Variants in SCHIP1 observed in about 807,000 individuals in gnomAD.
The protein encoded by SCHIP1 is schwannomin-interacting protein 1.
Under a neutral mutation model 29.7 loss-of-function variants are expected in SCHIP1, and 8 were observed. The ratio of observed to expected loss-of-function variants is 0.27; its 90% CI spans 0.16 to 0.49. The LOEUF (loss-of-function observed/expected upper bound fraction) is 0.49. SCHIP1 is among the 20% of genes least tolerant of loss of function. The pLI is 0.99. For missense variants in SCHIP1, 193 were observed against 294.6 expected, an observed-to-expected ratio of 0.66 and a Z score of 2.52; for synonymous variants, 76 against 94.9, an observed-to-expected ratio of 0.80 and a Z score of 1.16.
chr3:159,668,290 C>T, the SCHIP1 span, among the ~76,000 whole-genome samples: 21,834 of 150,194 alleles, frequency 0.15, 4,178 homozygotes, highest in African/African-American at 0.45. Context: ...GGCAGGAGAA[C>T]GGCGTGAACC....
chr3:159,372,314 CA>C, the SCHIP1 span, among the ~76,000 whole-genome samples: 1 of 151,974 alleles, frequency 6.6e-6, no homozygotes, highest in Admixed American at 6.6e-5. Flanking sequence ...TAAAGACCTT[CA>C]ATTTCAAATT....
At chr3:159,860,430 C>T (rs954313653) in intron 1 of SCHIP1, among the ~76,000 whole-genome samples, 6 of 152,132 alleles carry the variant, frequency 3.9e-5, no homozygotes, top group Non-Finnish European at 7.4e-5. Flanking sequence ...TGCATCTTAG[C>T]AAGATCTTGA....
the SCHIP1 span, among the ~76,000 whole-genome samples, chr3:159,396,148 C>T: frequency 0.023 from 3,283 of 140,772 alleles, 58 homozygotes; most frequent in East Asian, 0.094. Context: ...CCAACCCCTG[C>T]CTTTTTTTGT....
the SCHIP1 span, among the ~76,000 whole-genome samples, chr3:159,773,685 T>G: frequency 6.6e-6 from 1 of 152,254 alleles, no homozygotes; most frequent in African/African-American, 2.4e-5. Flanking sequence ...TTTTTAAACC[T>G]ATGTTGTCAG....
At chr3:159,778,289 G>A in the SCHIP1 span, among the ~76,000 whole-genome samples, 9,572 of 152,198 alleles carry the variant, frequency 0.063, 965 homozygotes, top group African/African-American at 0.21. Context: ...CACCGCGCCC[G>A]GCTAGGAAAC....
the SCHIP1 span, among the ~76,000 whole-genome samples, chr3:159,526,535 C>T: frequency 6.6e-6 from 1 of 152,074 alleles, no homozygotes; most frequent in Non-Finnish European, 1.5e-5. Context: ...ATCATTTGTT[C>T]CTAGGTCTTT....
chr3:159,547,652 C>T, the SCHIP1 span, among the ~76,000 whole-genome samples: 1 of 152,196 alleles, frequency 6.6e-6, no homozygotes, highest in Non-Finnish European at 1.5e-5. Context: ...GTTTTCCCAG[C>T]ACCATTTATT....
At chr3:159,591,219 A>AT in the SCHIP1 span, among the ~76,000 whole-genome samples, 1 of 152,192 alleles carries the variant, frequency 6.6e-6, no homozygotes, top group Non-Finnish European at 1.5e-5. Context: ...ACAAACAGAC[A>AT]ATATGACTTC....
At chr3:159,771,358 T>C in the SCHIP1 span, among the ~76,000 whole-genome samples, 1 of 152,244 alleles carries the variant, frequency 6.6e-6, no homozygotes, top group Non-Finnish European at 1.5e-5. Context: ...ACAGTAAAGT[T>C]TATAAGTTTA....
At chr3:159,708,383 A>C in the SCHIP1 span, among the ~76,000 whole-genome samples, 3 of 152,228 alleles carry the variant, frequency 2.0e-5, no homozygotes, top group Admixed American at 2.0e-4. Flanking sequence ...GGAGAAGCCT[A>C]AATTGCTTAG....
At chr3:159,633,946 A>C in the SCHIP1 span, among the ~76,000 whole-genome samples, 1 of 152,224 alleles carries the variant, frequency 6.6e-6, no homozygotes, top group African/African-American at 2.4e-5. Flanking sequence ...AAAAAAAGCA[A>C]TAATTAACTC....
At chr3:159,346,851 C>G in the SCHIP1 span, among the ~76,000 whole-genome samples, 54 of 152,072 alleles carry the variant, frequency 3.6e-4, no homozygotes, top group Non-Finnish European at 7.4e-5. Context: ...CTAGTGTTTC[C>G]TCATTAATAA....
chr3:159,693,828 G>A, the SCHIP1 span, among the ~76,000 whole-genome samples: 2 of 152,158 alleles, frequency 1.3e-5, no homozygotes, highest in Admixed American at 1.3e-4. Context: ...TAAGATTTCG[G>A]TTAATAAGTT....
the SCHIP1 span, among the ~76,000 whole-genome samples, chr3:159,714,451 C>T: frequency 1.3e-5 from 2 of 152,194 alleles, no homozygotes; most frequent in Admixed American, 6.5e-5. Context: ...CATTTCCTCA[C>T]CCGGGAAGTG....
chr3:159,660,299 A>G, the SCHIP1 span, among the ~76,000 whole-genome samples: 2 of 152,134 alleles, frequency 1.3e-5, no homozygotes, highest in Non-Finnish European at 2.9e-5. Context: ...GCCACAAATA[A>G]AAGCCAATAG....
At chr3:159,793,617 G>A in the SCHIP1 span, among the ~76,000 whole-genome samples, 2 of 152,126 alleles carry the variant, frequency 1.3e-5, no homozygotes, top group Admixed American at 6.5e-5. Flanking sequence ...GAGTGCAGTG[G>A]TGTCATCTCG....
chr3:159,595,306 A>C, the SCHIP1 span, among the ~76,000 whole-genome samples: 1 of 152,114 alleles, frequency 6.6e-6, no homozygotes, highest in Admixed American at 6.5e-5. Flanking sequence ...AACTGTCCAG[A>C]GATGTTCTCT....
the SCHIP1 span, among the ~76,000 whole-genome samples, chr3:159,635,368 A>T: frequency 6.6e-6 from 1 of 152,142 alleles, no homozygotes; most frequent in Admixed American, 6.6e-5. Context: ...AGGGGCAACG[A>T]TGGTGCTTGG....
the SCHIP1 span, among the ~76,000 whole-genome samples, chr3:159,783,522 C>T: frequency 0.25 from 37,555 of 152,020 alleles, 4,873 homozygotes; most frequent in East Asian, 0.45. Flanking sequence ...AGCCATCTTG[C>T]GCACAATAAA....
Sources: gnomAD v4.1 joint callset for allele counts (sites outside exome capture counted in the v4.1 genomes callset) on GRCh38, gnomAD v4.1.1 for gene constraint, MANE v1.5 for transcripts, NCBI Gene and HGNC (gene_info 2026-07-23, HGNC 2026-07-21) for gene names.